Variants in SHISA9 observed in about 807,000 individuals in gnomAD.
SHISA9 encodes the protein protein shisa-9.
Under a neutral mutation model 38.0 loss-of-function variants are expected in SHISA9, and 13 were observed. That is an observed-to-expected ratio of 0.34 (90% CI 0.22 to 0.54). The LOEUF is 0.54. SHISA9 is among the 20% of genes least tolerant of loss of function. SHISA9 has a pLI of 0.91. For synonymous variants in SHISA9, 275 were observed against 242.0 expected (o/e 1.14, Z -1.27); for missense variants, 538 against 575.8 (o/e 0.93, Z 0.67).
the SHISA9 span, among the ~76,000 whole-genome samples, chr16:13,268,608 A>G: frequency 1.9e-3 from 288 of 152,312 alleles, 1 homozygote; most frequent in African/African-American, 6.5e-3. Context: ...AATGGGGAAC[A>G]TTACACTTCT....
intron 2 of SHISA9, among the ~76,000 whole-genome samples, chr16:13,123,146 T>C (rs1414438272): frequency 6.6e-6 from 1 of 151,090 alleles, no homozygotes; most frequent in Non-Finnish European, 1.5e-5. Flanking sequence ...ATTTGAGAAC[T>C]AGGATATCTA....
At chr16:13,155,595 T>A (rs1234635675) in intron 2 of SHISA9, among the ~76,000 whole-genome samples, 1 of 151,692 alleles carries the variant, frequency 6.6e-6, no homozygotes, top group African/African-American at 2.4e-5. Context: ...GTGTGGTGTG[T>A]GTGTGTGTGT....
chr16:12,959,171 T>G (rs12325154), intron 2 of SHISA9, among the ~76,000 whole-genome samples: 4,776 of 152,328 alleles, frequency 0.031, 257 homozygotes, highest in African/African-American at 0.11. Flanking sequence ...GTATTTTCTG[T>G]GCCTGGTTAA....
chr16:13,268,730 C>T, the SHISA9 span, among the ~76,000 whole-genome samples: 2 of 152,146 alleles, frequency 1.3e-5, no homozygotes, highest in Non-Finnish European at 1.5e-5. Context: ...GAAATGTCTT[C>T]ATATTAATCC....
At chr16:13,283,352 T>C in the SHISA9 span, among the ~76,000 whole-genome samples, 1 of 152,126 alleles carries the variant, frequency 6.6e-6, no homozygotes, top group African/African-American at 2.4e-5. Context: ...TAGGTCTTAC[T>C]CTAGTGTATT....
the SHISA9 span, among the ~76,000 whole-genome samples, chr16:13,436,285 C>T: frequency 5.3e-5 from 8 of 152,332 alleles, no homozygotes; most frequent in Non-Finnish European, 1.0e-4. Context: ...TCCAAGATGG[C>T]GACTAAAAGT....
At chr16:13,072,937 A>ATTTG (rs2073535867) in intron 2 of SHISA9, among the ~76,000 whole-genome samples, 3 of 152,268 alleles carry the variant, frequency 2.0e-5, no homozygotes, top group Admixed American at 2.0e-4. Flanking sequence ...CTGGGATTAC[A>ATTTG]GGTGTGAGCC....
chr16:12,962,617 C>T (rs2071925822), intron 2 of SHISA9, among the ~76,000 whole-genome samples: 1 of 152,200 alleles, frequency 6.6e-6, no homozygotes. Flanking sequence ...AAGGTGTCAT[C>T]TGCAAAACAG....
chr16:13,253,614 A>G, the SHISA9 span, among the ~76,000 whole-genome samples: 1 of 152,142 alleles, frequency 6.6e-6, no homozygotes, highest in Non-Finnish European at 1.5e-5. Context: ...ATCTCGTGAG[A>G]CTTATTCACT....
At chr16:13,463,011 C>T in the SHISA9 span, among the ~76,000 whole-genome samples, 1 of 151,940 alleles carries the variant, frequency 6.6e-6, no homozygotes, top group Non-Finnish European at 1.5e-5. Context: ...AAAAAGTTAG[C>T]TGGGTGTGGT....
chr16:13,128,774 G>A (rs978489454), intron 2 of SHISA9, among the ~76,000 whole-genome samples: 6 of 152,156 alleles, frequency 3.9e-5, no homozygotes, highest in African/African-American at 7.2e-5. Context: ...TAGGATATGA[G>A]CACTTTTGGT....
chr16:13,023,386 A>G lies in SHISA9; in HGVS notation c.691+106571A>G, dbSNP rs1479403447. Among the ~76,000 whole-genome samples, 4 of 152,318 alleles carry G rather than the reference A, an allele frequency of 2.6e-5. No homozygotes were observed. In the South Asian group the frequency reaches 6.2e-4, roughly 24 times the overall value. On this transcript the variant is annotated intron_variant, in intron 2 of 4. Transcript: ENST00000558583. ...ATGGCTGCACAGTATTCCATGGTGTATATGTGCCACATTTTCTTAATGCAG... is the reference window on the plus strand; with the variant it reads ...ATGGCTGCACAGTATTCCATGGTGTGTATGTGCCACATTTTCTTAATGCAG...
chr16:13,286,922 C>T, the SHISA9 span, among the ~76,000 whole-genome samples: 1 of 152,054 alleles, frequency 6.6e-6, no homozygotes, highest in Non-Finnish European at 1.5e-5. Context: ...TTATTAAGAA[C>T]TAAGCTGGAT....
chr16:12,970,326 CATATATAT>C, intron 2 of SHISA9, among the ~76,000 whole-genome samples: 1 of 73,608 alleles, frequency 1.4e-5, no homozygotes, highest in South Asian at 3.8e-4. Flanking sequence ...GGTATATATA[CATATATAT>C]ATATATATAC....
intron 2 of SHISA9, among the ~76,000 whole-genome samples, chr16:12,999,240 C>G (rs935420848): frequency 5.3e-5 from 8 of 152,192 alleles, no homozygotes; most frequent in Admixed American, 2.0e-4. Flanking sequence ...AGTAAAATCA[C>G]CAACAGAAAG....
At chr16:13,200,211 A>G (rs1567245371) in intron 2 of SHISA9, among the ~76,000 whole-genome samples, 1 of 152,010 alleles carries the variant, frequency 6.6e-6, no homozygotes, top group African/African-American at 2.4e-5. Flanking sequence ...TCCTTTTGCT[A>G]CAAGTATTTC....
At chr16:13,211,924 G>A (rs545566814) in intron 3 of SHISA9, among the ~76,000 whole-genome samples, 2 of 152,298 alleles carry the variant, frequency 1.3e-5, no homozygotes, top group African/African-American at 4.8e-5. Context: ...GGCTATGGGG[G>A]AGAAGAGAAC....
intron 2 of SHISA9, among the ~76,000 whole-genome samples, chr16:13,175,952 T>C (rs1240286525): frequency 6.6e-6 from 1 of 152,168 alleles, no homozygotes; most frequent in South Asian, 2.1e-4. Context: ...AACCGAGGTA[T>C]GTTCTCACTC....
intron 2 of SHISA9, among the ~76,000 whole-genome samples, chr16:13,179,861 G>C (rs765124574): frequency 5.3e-5 from 8 of 152,216 alleles, no homozygotes; most frequent in Non-Finnish European, 1.0e-4. Context: ...CAGGATGTGG[G>C]TGTTTAATTA....
Sources: allele counts gnomAD v4.1 joint callset (sites outside exome capture counted in the v4.1 genomes callset), GRCh38; gene constraint gnomAD v4.1.1; transcripts MANE v1.5; gene names NCBI Gene and HGNC (gene_info 2026-07-23, HGNC 2026-07-21).